Variants in SQSTM1 observed in about 807,000 individuals in gnomAD.
The protein encoded by SQSTM1 is sequestosome 1.
SQSTM1 carries 36 observed loss-of-function variants against 45.1 expected under a neutral mutation model. The ratio of observed to expected loss-of-function variants is 0.80; its 90% CI spans 0.61 to 1.05. The LOEUF is 1.05. SQSTM1 is among the 50% of genes least tolerant of loss of function. The probability of loss-of-function intolerance (pLI) is 0.00; values close to 1 mark genes in which losing one functional copy is unlikely to be tolerated. For synonymous variants in SQSTM1, 290 were observed against 244.3 expected, an observed-to-expected ratio of 1.19 and a Z score of -1.74; for missense variants, 617 against 607.1, an observed-to-expected ratio of 1.02 and a Z score of -0.17.
chr5:179,817,323 G>T (rs1002797520), upstream of SQSTM1, among the ~76,000 whole-genome samples: 1 of 152,186 alleles, frequency 6.6e-6, no homozygotes, highest in Non-Finnish European at 1.5e-5. Flanking sequence ...ACACCGCCGG[G>T]CGTTCGTCCT....
At position 179,837,833 on chromosome 5, in the gene SQSTM1, T is replaced by C. The variant is rs773459500; in HGVS notation, c.*1240T>C. ...GGCACTGCAGTCTGCAGAGTTCTCC[T>C]GGAGGCAGGGGCTGCTGCCTTGTTT... is the stretch of plus-strand genomic sequence containing the variant. On this transcript the variant is annotated 3_prime_UTR_variant, in exon 8 of 8. Transcript: ENST00000389805. The C allele has an allele frequency of 1.1e-5, 18 of 1,612,678 alleles. No individual in the cohort carries two copies. The highest frequency in any genetic ancestry group is 1.0e-4 in the Admixed American group (6 of 60,028).
At chr5:179,810,877 C>T (rs138270467) in intron 1 of SQSTM1, among the ~76,000 whole-genome samples, 1 of 151,902 alleles carries the variant, frequency 6.6e-6, no homozygotes, top group African/African-American at 2.4e-5. Context: ...TGATGCTGAG[C>T]ATTTTTTCAT....
upstream of SQSTM1, among the ~76,000 whole-genome samples, chr5:179,817,847 A>G (rs1255366225): frequency 3.9e-5 from 6 of 151,928 alleles, no homozygotes; most frequent in Non-Finnish European, 8.8e-5. Context: ...CATCTCTACT[A>G]AAAATACAAA....
chr5:179,834,615 C>A (rs1280734518), intron 7 of SQSTM1, among the ~76,000 whole-genome samples: 1 of 151,820 alleles, frequency 6.6e-6, no homozygotes, highest in African/African-American at 2.4e-5. Flanking sequence ...GGTGATGACT[C>A]TTAAGGAGCA....
At chr5:179,832,707 G>T (rs1204633252) in intron 5 of SQSTM1, among the ~76,000 whole-genome samples, 1 of 152,164 alleles carries the variant, frequency 6.6e-6, no homozygotes, top group African/African-American at 2.4e-5. Context: ...TACTGAATTG[G>T]AGAAAGAGAA....
intron 2 of SQSTM1, 65 bp from the exon 3 acceptor site, chr5:179,823,793 G>A: frequency 6.4e-7 from 1 of 1,556,794 alleles, no homozygotes; most frequent in Non-Finnish European, 8.8e-7. Flanking sequence ...CAGCCCCACA[G>A]TGACGACAGA....
At chr5:179,822,101 T>G (rs1757805238) in intron 1 of SQSTM1, among the ~76,000 whole-genome samples, 1 of 152,214 alleles carries the variant, frequency 6.6e-6, no homozygotes, top group African/African-American at 2.4e-5. Flanking sequence ...TACATACCTT[T>G]TATCACCCTC....
chr5:179,833,479 T>A, intron 6 of SQSTM1, 108 bp from the exon 7 acceptor site: 1 of 1,226,202 alleles, frequency 8.2e-7, no homozygotes, highest in South Asian at 1.3e-5. Context: ...CAGCCTTAAC[T>A]GCACGTGTGC....
chr5:179,820,902 G>T (rs189132632), upstream of SQSTM1: 5 of 1,473,086 alleles, frequency 3.4e-6, no homozygotes, highest in African/African-American at 2.9e-5. Context: ...GGCTGCGACC[G>T]GGACGGCCCG....
rs760785371 is a variant in SQSTM1 at position 179,833,125 on chromosome 5, G to A, written c.848G>A (p.Ser283Asn). 3.1e-6 allele frequency: 5 copies of A among 1,614,214 alleles called. No homozygotes were observed. The highest frequency in any genetic ancestry group is 4.2e-6 in the Non-Finnish European group (5 of 1,180,034). ...PESSSTEEKS[S>N]SQPSSCCSDP... ...AGTTCCAGCACAGAGGAGAAGAGCA[G>A]CTCACAGCCAAGCAGCTGCTGCTCT... The change falls in exon 6 of 8, where the codon AGC (serine) becomes AAC (asparagine). Residue 283 changes from serine to asparagine, a missense_variant. Ser to Asn is a conservative substitution (Grantham distance 46). Coordinates refer to ENST00000389805, the MANE Select transcript of SQSTM1 (RefSeq NM_003900.5).
At position 179,806,648 on chromosome 5, in the gene SQSTM1, G is replaced by A; in HGVS notation, c.-157+57G>A. On this transcript the variant is annotated intron_variant, in intron 1 of 5. Transcript: ENST00000514093. This position sits in a 1 kb window ranked among gnomAD's most constrained non-coding sequence, Gnocchi z 4.6. ...GCATGGCCCGGGGGACCGGGGCCGG[G>A]GCGCAGGGGTCGGAAGGCGGCGGCG... 1 of 915,430 alleles carries A rather than the reference G, an allele frequency of 1.1e-6. No individual in the cohort carries two copies. Among genetic ancestry groups the A allele is most frequent in the Non-Finnish European group, 1.3e-6 (1 of 748,978 alleles). 56.7% of individuals were successfully genotyped at this position (915,430 alleles called of 1,614,324 possible). A position where few individuals can be genotyped will look rare whatever the true frequency, so the allele number is the denominator to read the frequency against.
At chr5:179,818,033 A>AT (rs1484619632), upstream of SQSTM1, among the ~76,000 whole-genome samples, 1 of 150,970 alleles carries the variant, frequency 6.6e-6, no homozygotes, top group Non-Finnish European at 1.5e-5. Context: ...AAAAAAAAAA[A>AT]AAAAAAAGTG....
upstream of SQSTM1, among the ~76,000 whole-genome samples, chr5:179,815,050 T>C (rs892409799): frequency 6.6e-6 from 1 of 152,188 alleles, no homozygotes; most frequent in Non-Finnish European, 1.5e-5. Context: ...CATATGGTCA[T>C]AGCTGACTCC....
In SQSTM1 at chr5:179,838,003, C is replaced by G; in HGVS notation, c.*1410C>G. 1.0e-6 allele frequency: 1 copy of G among 963,674 alleles called. No homozygotes were observed. Among genetic ancestry groups the G allele is most frequent in the Non-Finnish European group, 1.5e-6 (1 of 659,562 alleles). The allele number at this position is 963,674 out of a possible 1,614,324, so 59.7% of individuals were successfully genotyped here. ...TGGTTCTGACACTTTCTGCTGGAAGCTGTCAGGCTGGGACAGGCTTTGATT... is the reference window on the plus strand; with the variant it reads ...TGGTTCTGACACTTTCTGCTGGAAGGTGTCAGGCTGGGACAGGCTTTGATT... On this transcript the variant is annotated 3_prime_UTR_variant, in exon 8 of 8. Coordinates refer to ENST00000389805, the MANE Select transcript of SQSTM1 (RefSeq NM_003900.5).
At position 179,822,811 on chromosome 5, in the gene SQSTM1, TCTCA is replaced by T. The variant is rs1757832640; in HGVS notation, c.206-143_206-140del. The stretch of plus-strand genomic sequence containing the variant: ...GCCAGAGCAAGGGGGTAGTCTTGCC[TCTCA>T]CTCCTGCCCTCTGTGGCTCAAGTAG... On this transcript the variant is annotated intron_variant, in intron 1 of 7. Coordinates refer to ENST00000389805, the MANE Select transcript of SQSTM1 (RefSeq NM_003900.5). The T allele has an allele frequency of 1.7e-5, 13 of 744,644 alleles. No individual in the cohort carries two copies. The South Asian group carries it at 1.9e-4, about 11-fold the overall frequency. The allele number at this position is 744,644 out of a possible 1,614,324, so 46.1% of individuals were successfully genotyped here.
rs1161746933 is a variant in SQSTM1, at chr5:179,806,573, C to T, written c.-175C>T. On this transcript the variant is annotated 5_prime_UTR_variant, in exon 1 of 6. Coordinates refer to the SQSTM1 transcript ENST00000514093. The surrounding 1 kb of genome is among the most constrained non-coding windows in gnomAD (Gnocchi z 4.6). ...CAGCAGCGTCAGGAAGGTGCCATTG[C>T]GGAGCCTCATCTCCTCGGGTGCGCG... The T allele has an allele frequency of 7.8e-7, 1 of 1,289,094 alleles. No homozygotes were observed. Among genetic ancestry groups the T allele is most frequent in the South Asian group, 1.5e-5 (1 of 65,518 alleles). The allele number at this position is 1,289,094 out of a possible 1,614,324, so 79.9% of individuals were successfully genotyped here.
intron 6 of SQSTM1, 132 bp from the exon 7 acceptor site, chr5:179,833,453 TCC>T (rs1758341256): frequency 9.5e-7 from 1 of 1,057,224 alleles, no homozygotes; most frequent in Admixed American, 2.0e-5. Context: ...TGGCCACTGT[TCC>T]CCCTAGACCC....
At position 179,837,413 on chromosome 5, in the gene SQSTM1, TC is replaced by T; in HGVS notation, c.*824del. 1 of 1,595,868 alleles carries T rather than the reference TC, an allele frequency of 6.3e-7. No homozygotes were observed. The highest frequency in any genetic ancestry group is 8.6e-7 in the Non-Finnish European group (1 of 1,169,254). On this transcript the variant is annotated 3_prime_UTR_variant, in exon 8 of 8. Transcript: ENST00000389805. ...AGATCACACATCATCATCGAAGTCT[TC>T]CCCAGTTATAAAGAGGTCACATAGT...
chr5:179,821,459 G>T (rs1462240632), intron 1 of SQSTM1: 1 of 579,690 alleles, frequency 1.7e-6, no homozygotes, highest in East Asian at 4.0e-5. Flanking sequence ...GGGGATTTTG[G>T]CAAGGACGCG....
Sources: allele counts gnomAD v4.1 joint callset (sites outside exome capture counted in the v4.1 genomes callset), GRCh38; gene constraint gnomAD v4.1.1; non-coding constraint Gnocchi (gnomAD v3.1); transcripts MANE v1.5; gene names NCBI Gene and HGNC (gene_info 2026-07-23, HGNC 2026-07-21).